The following GRIN3A variants were observed in gnomAD, a reference collection of about 807,000 sequenced individuals.
The protein encoded by GRIN3A is glutamate receptor ionotropic, NMDA 3A.
A neutral mutation model predicts 92.4 loss-of-function variants in GRIN3A; 47 were observed. The observed-to-expected ratio is 0.51, with a 90% CI of 0.40 to 0.65. The LOEUF (loss-of-function observed/expected upper bound fraction) is 0.65. GRIN3A is among the 30% of genes least tolerant of loss of function. The pLI is 0.00. For missense variants in GRIN3A, 1,324 were observed against 1,393.1 expected, an observed-to-expected ratio of 0.95 and a Z score of 0.79; for synonymous variants, 527 against 540.6, an observed-to-expected ratio of 0.97 and a Z score of 0.35.
chr9:101,648,604 T>C (rs1010548298), intron 3 of GRIN3A, among the ~76,000 whole-genome samples: 3 of 152,104 alleles, frequency 2.0e-5, no homozygotes, highest in African/African-American at 7.2e-5. Flanking sequence ...CTCCCTTTAG[T>C]TCTATTAATA....
chr9:101,631,961 A>G lies in GRIN3A; in HGVS notation c.2353-3560T>C, dbSNP rs1025482902. On this transcript the variant is annotated intron_variant, in intron 3 of 8. Transcript: ENST00000361820. ...GTCCCTCACTTGCTTAATGCCCATC[A>G]ATGGCTCCCCCATGGCCCTTGGGAT... Among the ~76,000 whole-genome samples, 8 of 152,250 alleles carry G rather than the reference A, an allele frequency of 5.3e-5. No homozygotes were observed. In the East Asian group the frequency reaches 1.5e-3, roughly 29 times the overall value.
chr9:101,626,306 G>T (rs1248668836), intron 4 of GRIN3A, among the ~76,000 whole-genome samples: 2 of 152,218 alleles, frequency 1.3e-5, no homozygotes, highest in Non-Finnish European at 2.9e-5. Flanking sequence ...AACTGTTAAT[G>T]AGAAAGCAGG....
At chr9:101,671,168 G>C (rs1004538396) in intron 2 of GRIN3A, 61 bp from the exon 3 acceptor site, 2 of 1,124,978 alleles carry the variant, frequency 1.8e-6, no homozygotes, top group South Asian at 2.5e-5. Context: ...ATAGGAAGCA[G>C]TGTTCAGCTT....
intron 1 of GRIN3A, among the ~76,000 whole-genome samples, chr9:101,702,403 A>G (rs1829767599): frequency 6.6e-6 from 1 of 152,204 alleles, no homozygotes; most frequent in Non-Finnish European, 1.5e-5. Flanking sequence ...ATCATCAATG[A>G]TCAATGCTGA....
At chr9:101,618,733 T>C (rs1326143320) in intron 5 of GRIN3A, among the ~76,000 whole-genome samples, 1 of 152,224 alleles carries the variant, frequency 6.6e-6, no homozygotes, top group Non-Finnish European at 1.5e-5. Flanking sequence ...AAATCCATTT[T>C]ATTCAAAAAC....
intron 1 of GRIN3A, among the ~76,000 whole-genome samples, chr9:101,694,831 C>G (rs1387609003): frequency 6.6e-6 from 1 of 152,062 alleles, no homozygotes; most frequent in Non-Finnish European, 1.5e-5. Flanking sequence ...AATCCAAGAA[C>G]AGATAATCAT....
At chr9:101,731,285 T>C (rs1273068088) in intron 1 of GRIN3A, among the ~76,000 whole-genome samples, 2 of 150,778 alleles carry the variant, frequency 1.3e-5, no homozygotes, top group East Asian at 3.9e-4. Flanking sequence ...AGTCTGTTTT[T>C]CTTCTGGATG....
At chr9:101,697,363 C>A (rs1829697401) in intron 1 of GRIN3A, among the ~76,000 whole-genome samples, 1 of 152,136 alleles carries the variant, frequency 6.6e-6, no homozygotes, top group African/African-American at 2.4e-5. Context: ...TTCTTAAAGT[C>A]TTTGGTCACA....
chr9:101,631,857 C>T (rs1043348466), intron 3 of GRIN3A, among the ~76,000 whole-genome samples: 18 of 152,242 alleles, frequency 1.2e-4, no homozygotes, highest in African/African-American at 4.3e-4. Flanking sequence ...TTTGAGTCAC[C>T]ATCATTTCTG....
intron 6 of GRIN3A, chr9:101,595,054 G>T: frequency 1.0e-6 from 1 of 984,026 alleles, no homozygotes; most frequent in African/African-American, 1.6e-5. Flanking sequence ...CCCTGGTCGA[G>T]CAAAAGGGCA....
At chr9:101,595,283 C>A (rs1055480966) in intron 6 of GRIN3A, among the ~76,000 whole-genome samples, 3 of 151,806 alleles carry the variant, frequency 2.0e-5, no homozygotes, top group Non-Finnish European at 2.9e-5. Flanking sequence ...CCATGATAAC[C>A]CCAATTTCCC....
At chr9:101,705,999 A>C (rs564677566) in intron 1 of GRIN3A, among the ~76,000 whole-genome samples, 46 of 152,354 alleles carry the variant, frequency 3.0e-4, no homozygotes, top group Non-Finnish European at 5.9e-4. Flanking sequence ...CTGTTAAAAA[A>C]AACGAGAAGC....
chr9:101,618,154 A>G (rs1367430726), intron 5 of GRIN3A, among the ~76,000 whole-genome samples: 9 of 151,210 alleles, frequency 6.0e-5, no homozygotes, highest in Admixed American at 4.6e-4. Context: ...TAAAACACCA[A>G]AAGCAATGGC....
intron 1 of GRIN3A, among the ~76,000 whole-genome samples, chr9:101,692,509 T>G (rs1402253169): frequency 2.6e-5 from 4 of 152,182 alleles, no homozygotes; most frequent in Admixed American, 6.5e-5. Context: ...GTGATGGGGC[T>G]GGGTTTAAGA....
chr9:101,699,680 C>T (rs538040810), intron 1 of GRIN3A, among the ~76,000 whole-genome samples: 1 of 152,292 alleles, frequency 6.6e-6, no homozygotes, highest in South Asian at 2.1e-4. Flanking sequence ...CCTTCCCAGA[C>T]TATGCATGAG....
At chr9:101,727,875 A>C (rs1830098076) in intron 1 of GRIN3A, among the ~76,000 whole-genome samples, 1 of 149,228 alleles carries the variant, frequency 6.7e-6, no homozygotes, top group Non-Finnish European at 1.5e-5. Flanking sequence ...GGCACACTAG[A>C]TAAATTCGGA....
intron 8 of GRIN3A, among the ~76,000 whole-genome samples, chr9:101,575,015 C>T (rs1827809393): frequency 6.6e-6 from 1 of 152,232 alleles, no homozygotes; most frequent in South Asian, 2.1e-4. Context: ...TGGCTCAGAT[C>T]AGCAAACTGC....
intron 2 of GRIN3A, among the ~76,000 whole-genome samples, chr9:101,671,566 A>C (rs1829325431): frequency 6.6e-6 from 1 of 152,164 alleles, no homozygotes. Flanking sequence ...TATTTGGCAC[A>C]GGGAATGAGA....
chr9:101,688,179 C>G (rs1341658336), intron 1 of GRIN3A, among the ~76,000 whole-genome samples: 1 of 152,166 alleles, frequency 6.6e-6, no homozygotes, highest in East Asian at 1.9e-4. Flanking sequence ...ATGAGGAAGC[C>G]TTTCTCAGTA....
Sources: allele counts gnomAD v4.1 joint callset (sites outside exome capture counted in the v4.1 genomes callset), GRCh38; gene constraint gnomAD v4.1.1; transcripts MANE v1.5; gene names NCBI Gene and HGNC (gene_info 2026-07-23, HGNC 2026-07-21).